XKR4: variants seen among roughly 807,000 people sequenced by gnomAD.
XKR4 encodes XK related 4.
In XKR4, 12 loss-of-function variants were observed where a neutral mutation model predicts 53.9. The ratio of observed to expected loss-of-function variants is 0.22; its 90% confidence interval spans 0.14 to 0.36. The LOEUF (loss-of-function observed/expected upper bound fraction) is 0.36. Ranked by LOEUF, XKR4 falls within the 10% of genes least tolerant of loss-of-function variation. The pLI is 1.00. For synonymous variants in XKR4, 354 were observed against 362.4 expected (o/e 0.98, Z 0.26); for missense variants, 799 against 859.5 (o/e 0.93, Z 0.88).
At chr8:55,354,488 G>A (rs1803770837) in intron 1 of XKR4, among the ~76,000 whole-genome samples, 1 of 152,196 alleles carries the variant, frequency 6.6e-6, no homozygotes, top group Non-Finnish European at 1.5e-5. Flanking sequence ...AGCAGAGGCA[G>A]CTGATAGCAG....
chr8:55,106,635 G>A (rs956357531), intron 1 of XKR4, among the ~76,000 whole-genome samples: 2 of 152,110 alleles, frequency 1.3e-5, no homozygotes, highest in African/African-American at 4.8e-5. Flanking sequence ...GCCTCCAAAT[G>A]TCTTTTTCCT....
At chr8:55,416,625 G>A (rs1200291562) in intron 2 of XKR4, among the ~76,000 whole-genome samples, 1 of 152,160 alleles carries the variant, frequency 6.6e-6, no homozygotes, top group East Asian at 1.9e-4. Context: ...CAGCCTGGCT[G>A]GAGGATCACA....
At chr8:55,411,318 A>C (rs1267450402) in intron 2 of XKR4, among the ~76,000 whole-genome samples, 1 of 152,192 alleles carries the variant, frequency 6.6e-6, no homozygotes, top group Non-Finnish European at 1.5e-5. Flanking sequence ...AATTCTTGTG[A>C]GGATTGAATG....
chr8:55,313,233 T>TGTAAATCATGAG (rs1466198448), intron 1 of XKR4, among the ~76,000 whole-genome samples: 1 of 152,190 alleles, frequency 6.6e-6, no homozygotes, highest in Admixed American at 6.5e-5. Flanking sequence ...TTTTACAACA[T>TGTAAATCATGAG]TACTATCATG....
chr8:55,302,495 A>G (rs1260373824), intron 1 of XKR4, among the ~76,000 whole-genome samples: 1 of 152,206 alleles, frequency 6.6e-6, no homozygotes, highest in Non-Finnish European at 1.5e-5. Flanking sequence ...TTTTGATTCC[A>G]TATGAACTTT....
At position 55,449,591 on chromosome 8, in the gene XKR4, C is replaced by T. The variant is rs531704313; in HGVS notation, c.1007-73690C>T. 4.7e-6 allele frequency: 6 copies of T among 1,264,706 alleles called. 1 individual carries two copies. In the South Asian group the frequency reaches 7.2e-5, roughly 15 times the overall value. The allele number at this position is 1,264,706 out of a possible 1,614,324, so 78.3% of individuals were successfully genotyped here. On this transcript the variant is annotated intron_variant, in intron 2 of 2. Transcript: ENST00000327381. ...GTCCTGGGCACAAAAGTCGTAAACGCGAGGAGTTGTCTTCACGTCAAAGAA... is the reference window on the plus strand; with the variant it reads ...GTCCTGGGCACAAAAGTCGTAAACGTGAGGAGTTGTCTTCACGTCAAAGAA...
chr8:55,276,026 CT>C (rs1348642375), intron 1 of XKR4, among the ~76,000 whole-genome samples: 2 of 152,192 alleles, frequency 1.3e-5, no homozygotes, highest in African/African-American at 4.8e-5. Flanking sequence ...TCTTCCAAAT[CT>C]TTCTTAACAG....
intron 1 of XKR4, among the ~76,000 whole-genome samples, chr8:55,188,237 A>G (rs1216317240): frequency 1.3e-5 from 2 of 152,194 alleles, no homozygotes; most frequent in Non-Finnish European, 2.9e-5. Context: ...GTAGTGTTTC[A>G]TGAGTAATAG....
At position 55,524,251 on chromosome 8, in the gene XKR4, C is replaced by A; in HGVS notation, c.*24C>A. On this transcript the variant is annotated 3_prime_UTR_variant, in exon 3 of 3. Coordinates refer to ENST00000327381, the MANE Select transcript of XKR4 (RefSeq NM_052898.2). ...AAAGCAAAAGGAGTTGCAGGACCCA[C>A]AACATCCAGATGAAGGGGTGACAGC... 1 of 1,591,558 alleles carries A rather than the reference C, an allele frequency of 6.3e-7. No homozygotes were observed. Among genetic ancestry groups the A allele is most frequent in the Admixed American group, 1.7e-5 (1 of 58,858 alleles).
intron 2 of XKR4, among the ~76,000 whole-genome samples, chr8:55,360,960 G>A (rs969302298): frequency 2.0e-5 from 3 of 152,184 alleles, no homozygotes; most frequent in African/African-American, 7.2e-5. Flanking sequence ...GGCCCAAGAG[G>A]CACAGTTTGG....
At chr8:55,458,044 A>T (rs1805596870) in intron 2 of XKR4, among the ~76,000 whole-genome samples, 1 of 152,260 alleles carries the variant, frequency 6.6e-6, no homozygotes, top group Admixed American at 6.5e-5. Context: ...TGTTAATATG[A>T]CAGTCCTCCC....
At chr8:55,114,470 T>A (rs571637917) in intron 1 of XKR4, among the ~76,000 whole-genome samples, 1 of 152,094 alleles carries the variant, frequency 6.6e-6, no homozygotes, top group Non-Finnish European at 1.5e-5. Context: ...GAAGTCAGAG[T>A]CCAGAGGGTG....
intron 1 of XKR4, among the ~76,000 whole-genome samples, chr8:55,143,668 C>G (rs1420713820): frequency 6.6e-6 from 1 of 152,220 alleles, no homozygotes; most frequent in Non-Finnish European, 1.5e-5. Context: ...ATGAAACACA[C>G]ACACTTGGTG....
chr8:55,289,323 G>A (rs1818949354), intron 1 of XKR4, among the ~76,000 whole-genome samples: 1 of 151,586 alleles, frequency 6.6e-6, no homozygotes, highest in Non-Finnish European at 1.5e-5. Context: ...TTGAGACCAG[G>A]CTGCCCAATG....
At chr8:55,433,221 A>G (rs1201717189) in intron 2 of XKR4, among the ~76,000 whole-genome samples, 1 of 152,224 alleles carries the variant, frequency 6.6e-6, no homozygotes, top group East Asian at 1.9e-4. Context: ...CAATTGGTTT[A>G]TAATTTCTTA....
intron 2 of XKR4, among the ~76,000 whole-genome samples, chr8:55,508,566 G>T (rs10113071): frequency 0.024 from 3,589 of 152,288 alleles, 156 homozygotes; most frequent in African/African-American, 0.082. Context: ...GGACAGGATA[G>T]GTTTCTCAAA....
At chr8:55,328,093 T>A (rs1156901551) in intron 1 of XKR4, among the ~76,000 whole-genome samples, 2 of 152,110 alleles carry the variant, frequency 1.3e-5, no homozygotes, top group African/African-American at 4.8e-5. Context: ...AACCATCAGA[T>A]CTCATGAGAC....
intron 2 of XKR4, among the ~76,000 whole-genome samples, chr8:55,458,852 G>T (rs996685016): frequency 6.6e-6 from 1 of 152,220 alleles, no homozygotes; most frequent in African/African-American, 2.4e-5. Flanking sequence ...AGGATGGGGA[G>T]CAGGGCAGGC....
At chr8:55,393,368 A>G (rs1056026058) in intron 2 of XKR4, among the ~76,000 whole-genome samples, 1 of 151,596 alleles carries the variant, frequency 6.6e-6, no homozygotes, top group African/African-American at 2.4e-5. Flanking sequence ...AGTACATAAG[A>G]ATAGAATGAC....
Sources: allele counts gnomAD v4.1 joint callset (sites outside exome capture counted in the v4.1 genomes callset), GRCh38; gene constraint gnomAD v4.1.1; transcripts MANE v1.5; gene names NCBI Gene and HGNC (gene_info 2026-07-23, HGNC 2026-07-21).